COX7C: variants seen among roughly 807,000 people sequenced by gnomAD.
COX7C encodes cytochrome c oxidase subunit 7C, mitochondrial.
A neutral mutation model predicts 6.4 loss-of-function variants in COX7C; 1 was observed. That is an observed-to-expected ratio of 0.16 (90% CI 0.06 to 0.74). The LOEUF (loss-of-function observed/expected upper bound fraction) is 0.74, where lower values mean the gene tolerates loss of function less well. Ranked by LOEUF, COX7C falls within the 30% of genes least tolerant of loss-of-function variation. The pLI, the probability that COX7C is intolerant of heterozygous loss-of-function variation, is 0.78. For synonymous variants in COX7C, 24 were observed against 28.9 expected (o/e 0.83, Z 0.54); for missense variants, 54 against 73.7 (o/e 0.73, Z 0.98).
intron 2 of COX7C, 48 bp from the exon 3 acceptor site, chr5:86,620,616 TTAAA>T (rs1223569715): frequency 1.2e-5 from 5 of 433,050 alleles, no homozygotes; most frequent in South Asian, 6.4e-5. Flanking sequence ...ATGATTTCTG[TTAAA>T]TGAATGGGAT....
chr5:86,618,149 C>T lies in COX7C; in HGVS notation c.75+19C>T. 1 of 1,612,884 alleles carries T rather than the reference C, an allele frequency of 6.2e-7. No individual in the cohort carries two copies. ...TGGGAAGGTTAGTGTGTAAGGGGCA[C>T]GGCTTCGTTGGGGGAGGGGGCGCTT... is the stretch of plus-strand genomic sequence containing the variant. On this transcript the variant is annotated intron_variant, in intron 1 of 2. Transcript: ENST00000247655.
At chr5:86,620,130 A>C in intron 2 of COX7C, 1 of 152,340 alleles carries the variant, frequency 6.6e-6, no homozygotes, top group Non-Finnish European at 1.5e-5. Context: ...TGCCTCACCA[A>C]CTCAGCCATG....
At chr5:86,619,688 A>T (rs1750080650) in intron 2 of COX7C, 192 bp downstream of exon 2, 1 of 474,422 alleles carries the variant, frequency 2.1e-6, no homozygotes, top group Non-Finnish European at 3.8e-6. Flanking sequence ...GTGTTTATTG[A>T]ATACTACTGC....
In COX7C at chr5:86,618,067, G is replaced by C; in HGVS notation, c.12G>C (p.Gln4His). The change falls in exon 1 of 3, where the codon CAG (glutamine) becomes CAC (histidine). Residue 4 changes from glutamine (Q) to histidine (H), a missense_variant. Coordinates refer to ENST00000247655, the MANE Select transcript of COX7C (RefSeq NM_001867.3). ...CTTCCAGCAGCGGTATGTTGGGCCAGAGCATCCGGAGGTTCACAACCTCTG... is the reference window on the plus strand; with the variant it reads ...CTTCCAGCAGCGGTATGTTGGGCCACAGCATCCGGAGGTTCACAACCTCTG... The part of the protein sequence containing the change: MLG[Q>H]SIRRFTTSVV... The C allele has an allele frequency of 6.2e-7, 1 of 1,613,888 alleles. No individual in the cohort carries two copies. The highest frequency in any genetic ancestry group is 1.1e-5 in the South Asian group (1 of 91,062).
chr5:86,619,430 ACCCTT>A lies in COX7C; in HGVS notation c.156_160del (p.Phe53CysfsTer8), dbSNP rs1750071596. The A allele has an allele frequency of 6.2e-7, 1 of 1,613,662 alleles. No individual in the cohort carries two copies. The highest frequency in any genetic ancestry group is 8.5e-7 in the Non-Finnish European group (1 of 1,179,656). On this transcript the variant is annotated frameshift_variant, in exon 2 of 3. Coordinates refer to ENST00000247655, the MANE Select transcript of COX7C (RefSeq NM_001867.3). LOFTEE classifies it high-confidence loss of function. ...TGTACTTTGGATCTGCATTTGCTACACCCTTCCTTGTAGTAAGACACCAACTGCTT... is the reference window on the plus strand; with the variant it reads ...TGTACTTTGGATCTGCATTTGCTACACCTTGTAGTAAGACACCAACTGCTT...
rs1034197260 is a variant in COX7C, at chr5:86,619,885, C to G, written c.*27+389C>G. 88 of 165,450 alleles carry G rather than the reference C, an allele frequency of 5.3e-4. No individual in the cohort carries two copies. The East Asian group carries it at 0.012, about 22-fold the overall frequency. The allele number at this position is 165,450 out of a possible 1,614,324, so 10.2% of individuals were successfully genotyped here. ...AACTCACACTTTTAACCAGGTAAAA[C>G]TGATAAACTGATTAATGTTACTCTA... is the stretch of plus-strand genomic sequence containing the variant. On this transcript the variant is annotated intron_variant, in intron 2 of 2. Transcript: ENST00000247655.
chr5:86,618,298 A>T (rs535380208), intron 1 of COX7C, 168 bp downstream of exon 1: 1 of 639,768 alleles, frequency 1.6e-6, no homozygotes, highest in South Asian at 1.9e-5. Context: ...GAAGCTGGGC[A>T]TCCTAGCGCG....
intron 2 of COX7C, chr5:86,620,263 G>A (rs1016513370): frequency 1.3e-5 from 2 of 152,424 alleles, no homozygotes; most frequent in Admixed American, 1.3e-4. Flanking sequence ...TCCAACTTGG[G>A]GGCAAAATTA....
Position 86,620,654 on chromosome 5 carries a change from T to A in COX7C, c.*28-14T>A, listed in dbSNP as rs1179239942. On this transcript the variant is annotated splice_polypyrimidine_tract_variant and intron_variant, in intron 2 of 2. Transcript: ENST00000247655. ...ATTTTTAAAATGCCATTAATTTCTG[T>A]TTTTATTTTGCAGATATGAAGAGCA... 1.1e-5 allele frequency: 5 copies of A among 438,850 alleles called. No individual in the cohort carries two copies. The highest frequency in any genetic ancestry group is 2.3e-5 in the Non-Finnish European group (5 of 215,056). 27.2% of individuals were successfully genotyped at this position (438,850 alleles called of 1,614,324 possible).
chr5:86,619,438 T>C lies in COX7C; in HGVS notation c.161T>C (p.Leu54Pro). The C allele has an allele frequency of 6.2e-7, 1 of 1,612,364 alleles. No individual in the cohort carries two copies. The highest frequency in any genetic ancestry group is 8.5e-7 in the Non-Finnish European group (1 of 1,178,428). Residue 54 changes from leucine to proline, a missense_variant, in exon 2 of 3, where the codon CTT (leucine) becomes CCT (proline). Leu to Pro is a moderately conservative substitution (Grantham distance 98, BLOSUM62 -3). Coordinates refer to ENST00000247655, the MANE Select transcript of COX7C (RefSeq NM_001867.3). ...GGATCTGCATTTGCTACACCCTTCCTTGTAGTAAGACACCAACTGCTTAAA... is the reference window on the plus strand; with the variant it reads ...GGATCTGCATTTGCTACACCCTTCCCTGTAGTAAGACACCAACTGCTTAAA... ...YFGSAFATPF[L>P]VVRHQLLKT
chr5:86,617,990 T>C lies in COX7C; in HGVS notation c.-66T>C, dbSNP rs543541302. On this transcript the variant is annotated 5_prime_UTR_variant, in exon 1 of 3. Coordinates refer to ENST00000247655, the MANE Select transcript of COX7C (RefSeq NM_001867.3). ...AACAAGGTCGTGAAAAAAAAGGTCT[T>C]GGTGAGGTGCCGCCATTTCATCTGT... 2.7e-6 allele frequency: 4 copies of C among 1,501,066 alleles called. No individual in the cohort carries two copies. In the South Asian group the frequency reaches 3.4e-5, roughly 13 times the overall value. 93.0% of individuals were successfully genotyped at this position (1,501,066 alleles called of 1,614,324 possible).
At chr5:86,619,165 A>G (rs528901037) in intron 1 of COX7C, among the ~76,000 whole-genome samples, 188 bp from the exon 2 acceptor site, 1 of 152,270 alleles carries the variant, frequency 6.6e-6, no homozygotes, top group East Asian at 1.9e-4. Context: ...ATTTCTTGCC[A>G]TGTAGTGTTT....
chr5:86,618,753 C>G (rs1016844108), intron 1 of COX7C, among the ~76,000 whole-genome samples: 1 of 152,032 alleles, frequency 6.6e-6, no homozygotes, highest in Non-Finnish European at 1.5e-5. Context: ...CTAAGGCGTT[C>G]GGATCACCTG....
Position 86,619,396 on chromosome 5 carries a change from A to C in COX7C, c.119A>C (p.Lys40Thr), listed in dbSNP as rs1428578554. 1.2e-6 allele frequency: 2 copies of C among 1,613,648 alleles called. No homozygotes were observed. Among genetic ancestry groups the C allele is most frequent in the South Asian group, 2.2e-5 (2 of 91,052 alleles). Residue 40 changes from lysine (K) to threonine (T), a missense_variant, in exon 2 of 3, where the codon AAG (lysine) becomes ACG (threonine). Physicochemically the swap from Lys to Thr is moderately conservative, Grantham distance 78 (BLOSUM62 -1). Transcript: ENST00000247655. ...GAAAACAAGTGGTCGTTACTAGCTA[A>C]GATGTGTTTGTACTTTGGATCTGCA... Reference protein sequence around the residue: ...SVENKWSLLAKMCLYFGSAFA... With the variant: ...SVENKWSLLATMCLYFGSAFA...
In COX7C at chr5:86,617,984, A is replaced by G. The variant is rs1430063319; in HGVS notation, c.-72A>G. 5 of 1,420,314 alleles carry G rather than the reference A, an allele frequency of 3.5e-6. No homozygotes were observed. The highest frequency in any genetic ancestry group is 2.3e-5 in the East Asian group (1 of 43,732). The allele number at this position is 1,420,314 out of a possible 1,614,324, so 88.0% of individuals were successfully genotyped here. On this transcript the variant is annotated 5_prime_UTR_variant, in exon 1 of 3. Coordinates refer to ENST00000247655, the MANE Select transcript of COX7C (RefSeq NM_001867.3). ...CCGGGGAACAAGGTCGTGAAAAAAAAGGTCTTGGTGAGGTGCCGCCATTTC... is the reference window on the plus strand; with the variant it reads ...CCGGGGAACAAGGTCGTGAAAAAAAGGGTCTTGGTGAGGTGCCGCCATTTC...
chr5:86,618,375 C>G (rs745400366), intron 1 of COX7C: 11 of 489,252 alleles, frequency 2.2e-5, no homozygotes, highest in Non-Finnish European at 3.3e-5. Flanking sequence ...GACGCCCCCT[C>G]CCCCGCCCCG....
At chr5:86,618,320 G>A (rs142837865) in intron 1 of COX7C, 190 bp downstream of exon 1, 5 of 590,302 alleles carry the variant, frequency 8.5e-6, no homozygotes, top group African/African-American at 5.6e-5. Context: ...AGCCGCTAAA[G>A]GAATGGGCAG....
chr5:86,618,368 G>GC (rs1750046174), intron 1 of COX7C: 7 of 496,586 alleles, frequency 1.4e-5, no homozygotes, highest in Non-Finnish European at 2.6e-5. Context: ...GCCACCTGAC[G>GC]CCCCCTCCCC....
chr5:86,618,754 G>A (rs1348304857), intron 1 of COX7C, among the ~76,000 whole-genome samples: 1 of 152,126 alleles, frequency 6.6e-6, no homozygotes, highest in Non-Finnish European at 1.5e-5. Flanking sequence ...TAAGGCGTTC[G>A]GATCACCTGA....
Sources: allele counts gnomAD v4.1 joint callset (sites outside exome capture counted in the v4.1 genomes callset), GRCh38; gene constraint gnomAD v4.1.1; transcripts MANE v1.5; gene names NCBI Gene and HGNC (gene_info 2026-07-23, HGNC 2026-07-21).